The following RTEL1 variants were observed in gnomAD, a reference collection of about 807,000 sequenced individuals.
RTEL1 encodes the protein regulator of telomere length.
In RTEL1, 86 loss-of-function variants were observed where a neutral mutation model predicts 162.2. The ratio of observed to expected loss-of-function variants is 0.53; its 90% confidence interval spans 0.45 to 0.63. The LOEUF is 0.63. Among genes scored for constraint, RTEL1 ranks in the 30% least tolerant of loss-of-function variants. RTEL1 has a pLI of 0.00. For synonymous variants in RTEL1, 958 were observed against 717.9 expected (o/e 1.33, Z -5.35); for missense variants, 1,941 against 1,750.2 (o/e 1.11, Z -1.95).
At chr20:63,693,528 TCCACCACCA>T (rs1568720636) in intron 30 of RTEL1, among the ~76,000 whole-genome samples, 69 of 3,152 alleles carry the variant, frequency 0.022, 4 homozygotes, top group East Asian at 0.11. Context: ...CACCACCACC[TCCACCACCA>T]CCACCACCAC....
chr20:63,677,101 T>C (rs988920851), intron 10 of RTEL1, among the ~76,000 whole-genome samples: 9 of 36,388 alleles, frequency 2.5e-4, no homozygotes, highest in African/African-American at 1.3e-3. Context: ...TGTGGCCTCT[T>C]TGCTGTCTGG....
chr20:63,679,400 C>T (rs2090436553), intron 12 of RTEL1, among the ~76,000 whole-genome samples: 1 of 152,166 alleles, frequency 6.6e-6, no homozygotes, highest in Admixed American at 6.5e-5. Context: ...TGTCACTCTC[C>T]AAAGCTTTGG....
At chr20:63,683,093 A>T (rs1263646705) in intron 14 of RTEL1, among the ~76,000 whole-genome samples, 1 of 152,156 alleles carries the variant, frequency 6.6e-6, no homozygotes, top group East Asian at 1.9e-4. Context: ...CCACCCGAGG[A>T]GCTGTGAACA....
At position 63,690,211 on chromosome 20, in the gene RTEL1, G is replaced by A; in HGVS notation, c.2265+1G>A. The A allele has an allele frequency of 6.2e-7, 1 of 1,612,156 alleles. No individual in the cohort carries two copies. Among genetic ancestry groups the A allele is most frequent in the Non-Finnish European group, 8.5e-7 (1 of 1,179,496 alleles). On this transcript the variant is annotated splice_donor_variant, in intron 25 of 34. Transcript: ENST00000360203. LOFTEE classifies it high-confidence loss of function. ...GTTCTTCCGTGTTGCCGAGCGAACT[G>A]TGAGTTCCTGCCCAGGGAGGGGATG...
chr20:63,693,597 TCCACCACCACCACCTCCACCTCCA>T (rs1568721121), intron 30 of RTEL1, among the ~76,000 whole-genome samples: 1 of 2,784 alleles, frequency 3.6e-4, no homozygotes, highest in Non-Finnish European at 6.1e-4. Flanking sequence ...CACCTCCACC[TCCACCACCACCACCTCCACCTCCA>T]CCACCACCTC....
At chr20:63,688,751 C>A in intron 21 of RTEL1, 146 bp downstream of exon 21, 1 of 716,210 alleles carries the variant, frequency 1.4e-6, no homozygotes, top group Non-Finnish European at 2.3e-6. Flanking sequence ...TCCTTCCTGG[C>A]CCTGAGTGTT....
intron 21 of RTEL1, chr20:63,688,817 C>T (rs1417692649): frequency 1.6e-6 from 1 of 633,502 alleles, no homozygotes; most frequent in East Asian, 2.7e-5. Flanking sequence ...AGTGGCCCTC[C>T]TGTCTGAGTA....
At chr20:63,688,494 A>G (rs745426836) in intron 20 of RTEL1, 34 bp from the exon 21 acceptor site, 1 of 1,606,480 alleles carries the variant, frequency 6.2e-7, no homozygotes, top group Non-Finnish European at 8.5e-7. Flanking sequence ...CGGCGTGACC[A>G]GGGCTGCCGT....
At chr20:63,690,976 C>G in intron 27 of RTEL1, 29 bp downstream of exon 27, 2 of 1,535,852 alleles carry the variant, frequency 1.3e-6, no homozygotes, top group Non-Finnish European at 1.8e-6. Context: ...GGGATGGACA[C>G]AGACCCTCTG....
Position 63,695,885 on chromosome 20 carries a change from CA to C in RTEL1, c.*29del. 1 of 1,555,168 alleles carries C rather than the reference CA, an allele frequency of 6.4e-7. No individual in the cohort carries two copies. Among genetic ancestry groups the C allele is most frequent in the Admixed American group, 1.9e-5 (1 of 51,772 alleles). On this transcript the variant is annotated 3_prime_UTR_variant, in exon 35 of 35. Coordinates refer to ENST00000360203, the MANE Select transcript of RTEL1 (RefSeq NM_001283009.2). Reference sequence around the variant, plus strand: ...TGCCCACGGAGGCCCCCAGCACACCCAACGTGGCTTGATCACCTGCCTGTCC... The same window carrying C: ...TGCCCACGGAGGCCCCCAGCACACCCACGTGGCTTGATCACCTGCCTGTCC...
rs758667681 is a variant in RTEL1 at position 63,690,194 on chromosome 20, G to A, written c.2249G>A (p.Arg750His). Residue 750 changes from arginine to histidine, a missense_variant, in exon 25 of 35, where the codon CGT (arginine) becomes CAT (histidine). By Grantham distance (29) the Arg-to-His change is conservative. Coordinates refer to ENST00000360203, the MANE Select transcript of RTEL1 (RefSeq NM_001283009.2). The stretch of plus-strand genomic sequence containing the variant: ...ATCCGAGACGTGGCCCAGTTCTTCC[G>A]TGTTGCCGAGCGAACTGTGAGTTCC... ...HVIRDVAQFF[R>H]VAERTMPAPA... 2.5e-6 allele frequency: 4 copies of A among 1,612,440 alleles called. No homozygotes were observed. Among genetic ancestry groups the A allele is most frequent in the South Asian group, 1.1e-5 (1 of 91,088 alleles).
chr20:63,694,184 C>G (rs543492655), intron 30 of RTEL1, 188 bp from the exon 31 acceptor site: 2 of 611,442 alleles, frequency 3.3e-6, no homozygotes, highest in East Asian at 2.7e-5. Context: ...CGCCACTGTT[C>G]CAGCCCCCAT....
intron 12 of RTEL1, among the ~76,000 whole-genome samples, chr20:63,679,255 C>T (rs1253426100): frequency 6.6e-6 from 1 of 152,166 alleles, no homozygotes; most frequent in Admixed American, 6.5e-5. Flanking sequence ...GCCTGAGCGC[C>T]GACCTGGTCG....
rs115613958 is a variant in RTEL1 at position 63,694,901 on chromosome 20, C to T, written c.3270C>T (p.Asp1090=). The change falls in exon 32 of 35, where the codon GAC becomes GAT. Residue 1090 remains aspartate (D), a synonymous_variant. Transcript: ENST00000360203. ...CGCTGACAGCCTATAAGCAAGACGA[C>T]GACCTCGACAAGGTGCTGGCTGTGT... ...LAALTAYKQD[D]DLDKVLAVLA... 1.6e-5 allele frequency: 25 copies of T among 1,612,606 alleles called. No homozygotes were observed. Among genetic ancestry groups the T allele is most frequent in the South Asian group, 1.3e-4 (12 of 91,082 alleles).
In RTEL1 at chr20:63,672,582, G is replaced by C; in HGVS notation, c.726G>C (p.Leu242=). Residue 242 remains leucine, a synonymous_variant, in exon 9 of 35, where the codon CTG becomes CTC. Transcript: ENST00000360203. Reference sequence around the variant, plus strand: ...GCCGCAGAGCACACAACATTGACCTGAAGGGGACAGTCGTGATCTTTGACG... The same window carrying C: ...GCCGCAGAGCACACAACATTGACCTCAAGGGGACAGTCGTGATCTTTGACG... ...AKSRRAHNID[L]KGTVVIFDEA... The C allele has an allele frequency of 1.3e-6, 2 of 1,586,996 alleles. No homozygotes were observed. The highest frequency in any genetic ancestry group is 1.7e-6 in the Non-Finnish European group (2 of 1,164,680).
chr20:63,679,783 C>T, intron 12 of RTEL1, 66 bp from the exon 13 acceptor site: 1 of 1,274,832 alleles, frequency 7.8e-7, no homozygotes, highest in Non-Finnish European at 1.1e-6. Flanking sequence ...CCTTCTTCTC[C>T]TCAGTTCCCA....
rs1434722266 is a variant in RTEL1, at chr20:63,685,822, G to A, written c.1298G>A (p.Arg433Lys). 1.2e-6 allele frequency: 2 copies of A among 1,612,686 alleles called. No homozygotes were observed. The highest frequency in any genetic ancestry group is 1.7e-6 in the Non-Finnish European group (2 of 1,179,916). ...VHIHPDAGHR[R>K]TAQRSDAWST... ...ATCCATCCTGATGCTGGTCACCGGA[G>A]GACGGCTCAGCGGTCTGATGCCTGG... The change falls in exon 16 of 35, where the codon AGG becomes AAG. Residue 433 changes from arginine (R) to lysine (K), a missense_variant. By Grantham distance (26) the Arg-to-Lys change is conservative. Coordinates refer to ENST00000360203, the MANE Select transcript of RTEL1 (RefSeq NM_001283009.2).
chr20:63,692,951 C>A lies in RTEL1; in HGVS notation c.2799C>A (p.Ala933=). 2 of 1,612,674 alleles carry A rather than the reference C, an allele frequency of 1.2e-6. No homozygotes were observed. Among genetic ancestry groups the A allele is most frequent in the East Asian group, 2.2e-5 (1 of 44,884 alleles). ...CCGATGACTTCGCCGCCCTGGCCGC[C>A]TGTCTCGGCCCCCTCTTTGCTGAGG... ...KGSDDFAALA[A]CLGPLFAEDP... Residue 933 remains alanine (A), a synonymous_variant, in exon 29 of 35, where the codon GCC becomes GCA. Transcript: ENST00000360203.
chr20:63,660,310 A>G (rs1601080282), intron 2 of RTEL1, among the ~76,000 whole-genome samples: 1 of 152,196 alleles, frequency 6.6e-6, no homozygotes, highest in East Asian at 1.9e-4. Context: ...CCACGAGGCC[A>G]TATTTCAGAC....
Sources: allele counts gnomAD v4.1 joint callset (sites outside exome capture counted in the v4.1 genomes callset), GRCh38; gene constraint gnomAD v4.1.1; transcripts MANE v1.5; gene names NCBI Gene and HGNC (gene_info 2026-07-23, HGNC 2026-07-21).